Variants in CNTN5 observed in about 807,000 individuals in gnomAD.
CNTN5 encodes the protein contactin-5.
In CNTN5, 77 loss-of-function variants were observed where a neutral mutation model predicts 129.1. The observed-to-expected ratio is 0.60, with a 90% CI of 0.50 to 0.72. The LOEUF is 0.72. Among genes scored for constraint, CNTN5 ranks in the 30% least tolerant of loss-of-function variants. CNTN5 has a pLI of 0.00. For missense variants in CNTN5, 1,478 were observed against 1,328.8 expected, an observed-to-expected ratio of 1.11 and a Z score of -1.75; for synonymous variants, 509 against 465.6, an observed-to-expected ratio of 1.09 and a Z score of -1.20.
At chr11:99,802,503 C>T (rs752743747) in intron 3 of CNTN5, among the ~76,000 whole-genome samples, 2 of 152,148 alleles carry the variant, frequency 1.3e-5, no homozygotes, top group Non-Finnish European at 1.5e-5. Context: ...AGGTGTGCCT[C>T]AGCATGGAGC....
At chr11:99,758,521 G>T (rs1944475653) in intron 3 of CNTN5, among the ~76,000 whole-genome samples, 2 of 152,104 alleles carry the variant, frequency 1.3e-5, no homozygotes, top group Middle Eastern at 3.4e-3. Flanking sequence ...TGATTGAAAT[G>T]ATTTGTTCTT....
intron 1 of CNTN5, among the ~76,000 whole-genome samples, chr11:99,180,143 A>T (rs1219423780): frequency 1.3e-5 from 2 of 152,222 alleles, no homozygotes; most frequent in Non-Finnish European, 2.9e-5. Context: ...TGTAAATGGC[A>T]ATGCAGATGT....
chr11:99,898,948 A>T (rs115342987), intron 6 of CNTN5, among the ~76,000 whole-genome samples: 1 of 151,990 alleles, frequency 6.6e-6, no homozygotes, highest in African/African-American at 2.4e-5. Flanking sequence ...ATGTTTCTCT[A>T]TTAAGTATAA....
intron 1 of CNTN5, among the ~76,000 whole-genome samples, chr11:99,244,778 C>T (rs776373893): frequency 1.3e-5 from 2 of 152,218 alleles, no homozygotes; most frequent in Non-Finnish European, 2.9e-5. Context: ...TAGGCAAATA[C>T]CAATTTGAGA....
At chr11:99,046,905 G>C (rs143616124) in intron 1 of CNTN5, among the ~76,000 whole-genome samples, 1 of 152,088 alleles carries the variant, frequency 6.6e-6, no homozygotes, top group East Asian at 1.9e-4. Flanking sequence ...TATAATTGAC[G>C]AAGTCCCTTA....
intron 1 of CNTN5, among the ~76,000 whole-genome samples, chr11:99,245,479 G>A (rs901279994): frequency 3.3e-5 from 5 of 152,014 alleles, no homozygotes; most frequent in Middle Eastern, 3.4e-3. Flanking sequence ...CTCCATGCCC[G>A]GCTAATTTTT....
intron 2 of CNTN5, among the ~76,000 whole-genome samples, chr11:99,547,191 G>A (rs1948327072): frequency 6.6e-6 from 1 of 152,006 alleles, no homozygotes; most frequent in African/African-American, 2.4e-5. Context: ...TTTTAGTAGA[G>A]ACAGGGTTTC....
At chr11:99,313,915 T>C (rs551541218) in intron 1 of CNTN5, among the ~76,000 whole-genome samples, 23 of 152,048 alleles carry the variant, frequency 1.5e-4, no homozygotes, top group African/African-American at 5.5e-4. Flanking sequence ...TACTGATAAA[T>C]GACATTCTAG....
At chr11:99,908,126 T>C (rs770808913) in intron 6 of CNTN5, among the ~76,000 whole-genome samples, 12 of 152,078 alleles carry the variant, frequency 7.9e-5, no homozygotes, top group Admixed American at 6.6e-5. Flanking sequence ...TTTTTGTTTT[T>C]TTACACTTGC....
chr11:100,024,285 TC>T (rs1462005837), intron 9 of CNTN5, among the ~76,000 whole-genome samples: 21 of 152,142 alleles, frequency 1.4e-4, no homozygotes, highest in African/African-American at 4.8e-4. Flanking sequence ...TGCTTCCCTT[TC>T]ACCTTCCCCC....
At position 99,193,561 on chromosome 11, in the gene CNTN5, A is replaced by C. The variant is rs1335023010; in HGVS notation, c.-209-131785A>C. On this transcript the variant is annotated intron_variant, in intron 1 of 24. Transcript: ENST00000524871. ...TAGATTGGGAATGCAGTATGGTAAC[A>C]TGTCCTTCACTTGAGCTGTTCACCT... 2.0e-5 allele frequency among the ~76,000 whole-genome samples: 3 copies of C among 152,142 alleles called. No individual in the cohort carries two copies. The East Asian group carries it at 5.8e-4, about 29-fold the overall frequency.
At chr11:100,000,746 A>G (rs1939812637) in intron 8 of CNTN5, among the ~76,000 whole-genome samples, 1 of 152,192 alleles carries the variant, frequency 6.6e-6, no homozygotes, top group African/African-American at 2.4e-5. Context: ...CTGGACATCT[A>G]GGTGTTTCCA....
chr11:99,427,995 A>G (rs978637310), intron 2 of CNTN5, among the ~76,000 whole-genome samples: 11 of 151,950 alleles, frequency 7.2e-5, no homozygotes, highest in African/African-American at 2.7e-4. Context: ...AAACCTTATT[A>G]AGACTTATAG....
intron 6 of CNTN5, among the ~76,000 whole-genome samples, chr11:99,867,069 G>C (rs1202287629): frequency 6.6e-6 from 1 of 152,178 alleles, no homozygotes; most frequent in Non-Finnish European, 1.5e-5. Flanking sequence ...CAGTTATTTA[G>C]AAGTAAACCT....
intron 2 of CNTN5, among the ~76,000 whole-genome samples, chr11:99,509,515 G>A (rs1482762224): frequency 6.6e-6 from 1 of 152,092 alleles, no homozygotes; most frequent in African/African-American, 2.4e-5. Context: ...AGCAAAAAGG[G>A]AAGGTGCTGT....
intron 1 of CNTN5, among the ~76,000 whole-genome samples, chr11:99,245,317 T>C (rs1861761570): frequency 6.6e-6 from 1 of 152,162 alleles, no homozygotes; most frequent in South Asian, 2.1e-4. Context: ...AAACTTATTA[T>C]TACTATTATT....
intron 3 of CNTN5, among the ~76,000 whole-genome samples, chr11:99,813,701 G>A (rs1300909954): frequency 6.6e-6 from 1 of 152,206 alleles, no homozygotes; most frequent in Non-Finnish European, 1.5e-5. Context: ...TAGAAAAGGA[G>A]ATAAAAAGTT....
At chr11:99,906,286 T>C (rs1282609181) in intron 6 of CNTN5, among the ~76,000 whole-genome samples, 2 of 152,158 alleles carry the variant, frequency 1.3e-5, no homozygotes, top group Non-Finnish European at 2.9e-5. Context: ...CATAAATAGC[T>C]CTTATTATTT....
At chr11:99,817,037 A>G (rs1268892909) in intron 3 of CNTN5, among the ~76,000 whole-genome samples, 1 of 152,188 alleles carries the variant, frequency 6.6e-6, no homozygotes, top group African/African-American at 2.4e-5. Context: ...AGTTTTCTCT[A>G]CCCATGCGGG....
Sources: allele counts gnomAD v4.1 joint callset (sites outside exome capture counted in the v4.1 genomes callset), GRCh38; gene constraint gnomAD v4.1.1; transcripts MANE v1.5; gene names NCBI Gene and HGNC (gene_info 2026-07-23, HGNC 2026-07-21).